CTCFL: variants seen among roughly 807,000 people sequenced by gnomAD.
CTCFL encodes CCCTC-binding factor like, also known as transcriptional repressor CTCFL.
CTCFL carries 36 observed loss-of-function variants against 67.4 expected under a neutral mutation model. The observed-to-expected ratio is 0.53, with a 90% CI of 0.41 to 0.71. CTCFL has a LOEUF of 0.71. CTCFL is among the 30% of genes least tolerant of loss of function. The pLI is 0.00. For missense variants in CTCFL, 786 were observed against 835.2 expected (o/e 0.94, Z 0.73); for synonymous variants, 324 against 302.3 (o/e 1.07, Z -0.75).
intron 10 of CTCFL, among the ~76,000 whole-genome samples, chr20:57,500,731 A>G (rs73168439): frequency 0.034 from 5,192 of 152,320 alleles, 106 homozygotes; most frequent in Non-Finnish European, 0.04. Flanking sequence ...GAACCTTCTC[A>G]ACTCTTCTCC....
chr20:57,515,021 A>T (rs1317772143), intron 6 of CTCFL: 4 of 416,030 alleles, frequency 9.6e-6, no homozygotes, highest in Middle Eastern at 3.3e-4. Flanking sequence ...AATAACCAAG[A>T]AGTACACATA....
chr20:57,515,033 A>C, intron 6 of CTCFL: 1 of 376,996 alleles, frequency 2.7e-6, no homozygotes, highest in Non-Finnish European at 4.8e-6. Flanking sequence ...GTACACATAA[A>C]TGTATTCTTA....
intron 5 of CTCFL, chr20:57,518,351 A>C (rs1739438971): frequency 2.7e-6 from 1 of 368,558 alleles, no homozygotes; most frequent in African/African-American, 2.1e-5. Context: ...TAAATCTTCG[A>C]GCAAGCTGCT....
At chr20:57,508,123 A>AT (rs2068320942) in intron 9 of CTCFL, among the ~76,000 whole-genome samples, 1 of 151,848 alleles carries the variant, frequency 6.6e-6, no homozygotes, top group Non-Finnish European at 1.5e-5. Context: ...TTTTGGAGGG[A>AT]TGGGGGTCTC....
At chr20:57,500,113 G>A (rs1241135636) in intron 10 of CTCFL, 1 of 937,396 alleles carries the variant, frequency 1.1e-6, no homozygotes, top group African/African-American at 2.1e-5. Flanking sequence ...TTGGTGGATG[G>A]AGGGAGACAA....
rs1600629034 is a variant in CTCFL, at chr20:57,497,772, A to G, written c.*778T>C. On this transcript the variant is annotated 3_prime_UTR_variant, in exon 11 of 11. Transcript: ENST00000243914. ...GTTTTAGCAGAAAAAAGGGTTATGG[A>G]GTGAAATACTAATAAGCAATAATGG... 2.0e-6 allele frequency: 2 copies of G among 984,860 alleles called. No homozygotes were observed. The highest frequency in any genetic ancestry group is 2.4e-6 in the Non-Finnish European group (2 of 829,384). 61.0% of individuals were successfully genotyped at this position (984,860 alleles called of 1,614,324 possible).
At chr20:57,506,639 T>C (rs867129339) in intron 9 of CTCFL, 15 of 266,056 alleles carry the variant, frequency 5.6e-5, no homozygotes, top group Middle Eastern at 3.7e-3. Context: ...TATCTGTCTA[T>C]TTACTGAGTT....
chr20:57,524,270 A>C, intron 1 of CTCFL, 54 bp from the exon 2 acceptor site: 1 of 1,531,254 alleles, frequency 6.5e-7, no homozygotes, highest in Non-Finnish European at 8.7e-7. Context: ...GGGTGGTATG[A>C]GGAGGGATGC....
Position 57,512,724 on chromosome 20 carries a change from G to C in CTCFL, c.1359C>G (p.Tyr453Ter). 6.2e-7 allele frequency: 1 copy of C among 1,614,204 alleles called. No homozygotes were observed. The highest frequency in any genetic ancestry group is 8.5e-7 in the Non-Finnish European group (1 of 1,180,012). Residue 453 changes from tyrosine (Y) to a stop codon, truncating the protein, a stop_gained, in exon 8 of 11, where the codon TAC becomes TAG. Coordinates refer to ENST00000243914, the MANE Select transcript of CTCFL (RefSeq NM_001386993.1). LOFTEE classifies it high-confidence loss of function. ...LRVHMRNLHA[Y>*]SAAELKCRYC... Reference sequence around the variant, plus strand: ...AGCGGCATTTCAGCTCTGCAGCGCTGTAAGCATGCAAGTTGCGCATATGCA... The same window carrying C: ...AGCGGCATTTCAGCTCTGCAGCGCTCTAAGCATGCAAGTTGCGCATATGCA...
chr20:57,509,860 C>A (rs1006918056), intron 8 of CTCFL, among the ~76,000 whole-genome samples: 2 of 152,124 alleles, frequency 1.3e-5, no homozygotes, highest in Non-Finnish European at 2.9e-5. Context: ...TCTCCAGGAC[C>A]GCGGCAGCCA....
intron 10 of CTCFL, among the ~76,000 whole-genome samples, chr20:57,501,644 G>C (rs1183625216): frequency 1.3e-5 from 2 of 152,222 alleles, no homozygotes; most frequent in African/African-American, 4.8e-5. Context: ...ACAGCCCTGT[G>C]CCCTGCGGGG....
chr20:57,502,937 G>C (rs1391386247), intron 10 of CTCFL, among the ~76,000 whole-genome samples: 2 of 152,230 alleles, frequency 1.3e-5, no homozygotes, highest in East Asian at 1.9e-4. Flanking sequence ...GAGAGAGCTA[G>C]GAAAAGACAG....
chr20:57,502,330 G>T (rs1304209773), intron 10 of CTCFL, among the ~76,000 whole-genome samples: 3 of 152,256 alleles, frequency 2.0e-5, no homozygotes, highest in Non-Finnish European at 4.4e-5. Context: ...GCTTCTACCC[G>T]AGTTTCAGAT....
rs374065315 is a variant in CTCFL at position 57,519,196 on chromosome 20, G to A, written c.925+11C>T. On this transcript the variant is annotated intron_variant, in intron 4 of 10. Transcript: ENST00000243914. ...ATCATTCCAGAGAAACAGCCTTCCCGGCAGTTTTACCTGTGTGGGTGTTAA... is the reference window on the plus strand; with the variant it reads ...ATCATTCCAGAGAAACAGCCTTCCCAGCAGTTTTACCTGTGTGGGTGTTAA... The A allele has an allele frequency of 6.1e-5, 99 of 1,612,424 alleles. No individual in the cohort carries two copies. The highest frequency in any genetic ancestry group is 7.9e-5 in the Non-Finnish European group (93 of 1,178,864).
intron 5 of CTCFL, among the ~76,000 whole-genome samples, chr20:57,516,364 C>G (rs1443026399): frequency 6.6e-6 from 1 of 151,956 alleles, no homozygotes; most frequent in Non-Finnish European, 1.5e-5. Context: ...ATAGCAAAAC[C>G]CTGTCTCCAC....
At chr20:57,513,600 T>G (rs533059183) in intron 7 of CTCFL, 5 of 1,136,216 alleles carry the variant, frequency 4.4e-6, no homozygotes, top group Non-Finnish European at 5.5e-6. Flanking sequence ...CTGGCTAGAC[T>G]TGTGCCCCAC....
At position 57,509,676 on chromosome 20, in the gene CTCFL, T is replaced by C. The variant is rs185555837; in HGVS notation, c.1492-888A>G. Among the ~76,000 whole-genome samples, 4 of 152,312 alleles carry C rather than the reference T, an allele frequency of 2.6e-5. No homozygotes were observed. The East Asian group carries it at 7.7e-4, about 29-fold the overall frequency. On this transcript the variant is annotated intron_variant, in intron 8 of 10. Transcript: ENST00000243914. Reference sequence around the variant, plus strand: ...GTTTTATTTAAAATGTGATGATTATTTGGATTAAATATATATTCGGCCATT... The same window carrying C: ...GTTTTATTTAAAATGTGATGATTATCTGGATTAAATATATATTCGGCCATT...
In CTCFL at chr20:57,514,957, G is replaced by C. The variant is rs966539839; in HGVS notation, c.1181-216C>G. 5.4e-6 allele frequency: 3 copies of C among 557,720 alleles called. No homozygotes were observed. In the African/African-American group the frequency reaches 5.7e-5, roughly 11 times the overall value. The allele number at this position is 557,720 out of a possible 1,614,324, so 34.5% of individuals were successfully genotyped here. On this transcript the variant is annotated intron_variant, in intron 6 of 10. Transcript: ENST00000243914. ...GATGGACCAGAGACATGACTTCCCCGCATCTGGTGGCTACGCAAGAGTTCA... is the reference window on the plus strand; with the variant it reads ...GATGGACCAGAGACATGACTTCCCCCCATCTGGTGGCTACGCAAGAGTTCA...
chr20:57,512,701 C>G lies in CTCFL; in HGVS notation c.1382G>C (p.Arg461Pro). ...HAYSAAELKCRYCSAVFHERY... is the reference protein window; with the variant it reads ...HAYSAAELKCPYCSAVFHERY... ...TTCATGGAAGACAGCAGAACAGTAG[C>G]GGCATTTCAGCTCTGCAGCGCTGTA... The change falls in exon 8 of 11, where the codon CGC becomes CCC. Residue 461 changes from arginine (R) to proline (P), a missense_variant. By Grantham distance (103) the Arg-to-Pro change is moderately radical. This residue lies in a region of CTCFL where 254 missense variants were observed against 333.9 expected (regional missense o/e 0.76). Coordinates refer to ENST00000243914, the MANE Select transcript of CTCFL (RefSeq NM_001386993.1). 6.2e-7 allele frequency: 1 copy of G among 1,614,160 alleles called. No homozygotes were observed. The highest frequency in any genetic ancestry group is 1.1e-5 in the South Asian group (1 of 91,080).
Sources: gnomAD v4.1 joint callset for allele counts (sites outside exome capture counted in the v4.1 genomes callset) on GRCh38, gnomAD v4.1.1 for gene constraint, gnomAD v4.1.1 regional missense constraint, MANE v1.5 for transcripts, NCBI Gene and HGNC (gene_info 2026-07-23, HGNC 2026-07-21) for gene names.